Variants in PRTG observed in about 807,000 individuals in gnomAD.
PRTG encodes the protein immunoglobulin superfamily, DCC subclass, member 5.
In PRTG, 67 loss-of-function variants were observed where a neutral mutation model predicts 122.5. That is an observed-to-expected ratio of 0.55 (90% CI 0.45 to 0.67). The LOEUF (loss-of-function observed/expected upper bound fraction) is 0.67. PRTG is among the 30% of genes least tolerant of loss of function. PRTG has a pLI of 0.00. For missense variants in PRTG, 1,435 were observed against 1,415.4 expected (o/e 1.01, Z -0.22); for synonymous variants, 554 against 501.1 (o/e 1.11, Z -1.41).
intron 2 of PRTG, among the ~76,000 whole-genome samples, chr15:55,700,576 G>C (rs540830863): frequency 1.3e-5 from 2 of 152,016 alleles, no homozygotes; most frequent in Non-Finnish European, 2.9e-5. Context: ...GAACCTAAGA[G>C]TTGGAGACCA....
chr15:55,690,817 A>G (rs1046407094), intron 2 of PRTG, among the ~76,000 whole-genome samples: 5 of 152,312 alleles, frequency 3.3e-5, no homozygotes, highest in African/African-American at 1.2e-4. Flanking sequence ...AGCACATTAC[A>G]TATTCCAGCT....
chr15:55,698,660 T>C (rs981997718), intron 2 of PRTG, among the ~76,000 whole-genome samples: 12 of 152,168 alleles, frequency 7.9e-5, no homozygotes, highest in African/African-American at 2.2e-4. Context: ...TGTATTTATA[T>C]GCAGGATTCA....
chr15:55,730,526 T>C (rs2031193064), intron 2 of PRTG, among the ~76,000 whole-genome samples: 1 of 152,044 alleles, frequency 6.6e-6, no homozygotes, highest in Non-Finnish European at 1.5e-5. Flanking sequence ...ATAGGCTAGA[T>C]GCAGTGGCTC....
chr15:55,705,957 C>T (rs1182810151), intron 2 of PRTG, among the ~76,000 whole-genome samples: 1 of 150,994 alleles, frequency 6.6e-6, no homozygotes, highest in South Asian at 2.1e-4. Context: ...AAGCGATTCC[C>T]CTGCCTCAGC....
intron 11 of PRTG, among the ~76,000 whole-genome samples, chr15:55,645,391 G>A (rs1435808241): frequency 4.5e-5 from 5 of 110,016 alleles, no homozygotes; most frequent in Admixed American, 1.3e-4. Flanking sequence ...TCGAGATCGC[G>A]CCACTGCACT....
chr15:55,740,093 C>T (rs1318223195), intron 2 of PRTG, among the ~76,000 whole-genome samples: 1 of 152,206 alleles, frequency 6.6e-6, no homozygotes, highest in Non-Finnish European at 1.5e-5. Flanking sequence ...ACTTCTACAT[C>T]CAACTCTTCA....
At chr15:55,698,888 G>A (rs1330413124) in intron 2 of PRTG, among the ~76,000 whole-genome samples, 1 of 151,808 alleles carries the variant, frequency 6.6e-6, no homozygotes, top group Non-Finnish European at 1.5e-5. Flanking sequence ...CGGGGGTGGG[G>A]GAGATTCATT....
In PRTG at chr15:55,620,153, G is replaced by A. The variant is rs764364318; in HGVS notation, c.3312C>T (p.Pro1104=). 7.4e-6 allele frequency: 12 copies of A among 1,614,048 alleles called. No individual in the cohort carries two copies. The highest frequency in any genetic ancestry group is 1.3e-5 in the African/African-American group (1 of 74,910). ...SPGQTTSFSR[P]FGVAADTEHS... ...GTTCTGTATCAGCTGCAACACCAAA[G>A]GGTCTTGAGAAGCTGGTTGTCTGAC... The change falls in exon 20 of 20, where the codon CCC becomes CCT. Residue 1104 remains proline (P), a synonymous_variant. Transcript: ENST00000389286.
chr15:55,655,674 G>A (rs775884345), intron 11 of PRTG: 5 of 151,734 alleles, frequency 3.3e-5, no homozygotes, highest in African/African-American at 7.2e-5. Flanking sequence ...ATGAACAGGC[G>A]GGCTCTGGAC....
chr15:55,619,892 A>AGCATG lies in PRTG; in HGVS notation c.*115_*119dup. ...TGGAAAATCATTTTTATCAAAGCATAGCATGGCAGATGGCGGCTGCAGAAC... is the reference window on the plus strand; with the variant it reads ...TGGAAAATCATTTTTATCAAAGCATAGCATGGCATGGCAGATGGCGGCTGCAGAAC... On this transcript the variant is annotated 3_prime_UTR_variant, in exon 20 of 20. Coordinates refer to ENST00000389286, the MANE Select transcript of PRTG (RefSeq NM_173814.6). 6.7e-7 allele frequency: 1 copy of AGCATG among 1,500,706 alleles called. No homozygotes were observed. The highest frequency in any genetic ancestry group is 9.0e-7 in the Non-Finnish European group (1 of 1,115,244). 93.0% of individuals were successfully genotyped at this position (1,500,706 alleles called of 1,614,324 possible).
intron 16 of PRTG, among the ~76,000 whole-genome samples, chr15:55,627,569 T>C (rs2059202737): frequency 6.7e-6 from 1 of 150,312 alleles, no homozygotes; most frequent in South Asian, 2.1e-4. Flanking sequence ...CTCGATCTCC[T>C]GACCTCGTGA....
At chr15:55,639,951 A>G (rs548171435) in intron 12 of PRTG, 123 bp from the exon 13 acceptor site, 1 of 1,475,958 alleles carries the variant, frequency 6.8e-7, no homozygotes, top group East Asian at 2.5e-5. Context: ...TCCACCAGAG[A>G]TTCATAGTGA....
chr15:55,679,137 G>A lies in PRTG; in HGVS notation c.1133+149C>T, dbSNP rs1251939855. The A allele has an allele frequency of 8.9e-6, 5 of 561,490 alleles. No homozygotes were observed. The South Asian group carries it at 1.1e-4, about 13-fold the overall frequency. The allele number at this position is 561,490 out of a possible 1,614,324, so 34.8% of individuals were successfully genotyped here. On this transcript the variant is annotated intron_variant, in intron 7 of 19. Transcript: ENST00000389286. The stretch of plus-strand genomic sequence containing the variant: ...CATAGCACATGTATGACATGATAAT[G>A]TTATAAGTCTTAATTTCTTAGTTTA...
intron 2 of PRTG, among the ~76,000 whole-genome samples, chr15:55,733,870 C>T (rs1200828263): frequency 4.6e-5 from 7 of 152,044 alleles, no homozygotes; most frequent in African/African-American, 1.7e-4. Context: ...AACAGCAAAT[C>T]GTTCTCCAAG....
intron 2 of PRTG, among the ~76,000 whole-genome samples, chr15:55,720,103 G>C (rs1459524750): frequency 6.6e-6 from 1 of 151,386 alleles, no homozygotes; most frequent in African/African-American, 2.4e-5. Flanking sequence ...TGTGGGCCAG[G>C]CATGGTGGCT....
chr15:55,620,133 G>T lies in PRTG; in HGVS notation c.3332C>A (p.Thr1111Lys), dbSNP rs199706747. 3 of 1,614,174 alleles carry T rather than the reference G, an allele frequency of 1.9e-6. No individual in the cohort carries two copies. Among genetic ancestry groups the T allele is most frequent in the Admixed American group, 1.7e-5 (1 of 60,024 alleles). Reference sequence around the variant, plus strand: ...GCCTTCACTATTTGCTGAATGTTCTGTATCAGCTGCAACACCAAAGGGTCT... The same window carrying T: ...GCCTTCACTATTTGCTGAATGTTCTTTATCAGCTGCAACACCAAAGGGTCT... ...FSRPFGVAAD[T>K]EHSANSEGSH... The change falls in exon 20 of 20, where the codon ACA (threonine) becomes AAA (lysine). Residue 1111 changes from threonine (T) to lysine (K), a missense_variant. Physicochemically the swap from Thr to Lys is moderately conservative, Grantham distance 78. Transcript: ENST00000389286.
At chr15:55,690,294 A>G (rs1328737504) in intron 2 of PRTG, among the ~76,000 whole-genome samples, 1 of 152,246 alleles carries the variant, frequency 6.6e-6, no homozygotes, top group Non-Finnish European at 1.5e-5. Flanking sequence ...AATTCATTCA[A>G]TGAATATGCA....
chr15:55,723,706 T>C (rs2141872308), intron 2 of PRTG, among the ~76,000 whole-genome samples: 1 of 151,968 alleles, frequency 6.6e-6, no homozygotes, highest in African/African-American at 2.4e-5. Context: ...TCATCACATA[T>C]TTATTCTTCC....
At chr15:55,728,119 G>C (rs1211065838) in intron 2 of PRTG, among the ~76,000 whole-genome samples, 4 of 152,024 alleles carry the variant, frequency 2.6e-5, no homozygotes, top group Non-Finnish European at 5.9e-5. Flanking sequence ...GCCCACCTCG[G>C]CCTCCCAAAG....
Sources: allele counts gnomAD v4.1 joint callset (sites outside exome capture counted in the v4.1 genomes callset), GRCh38; gene constraint gnomAD v4.1.1; transcripts MANE v1.5; gene names NCBI Gene and HGNC (gene_info 2026-07-23, HGNC 2026-07-21).